PCDH9: variants seen among roughly 807,000 people sequenced by gnomAD.
PCDH9 encodes protocadherin 9, also known as protocadherin-9.
In PCDH9, 24 loss-of-function variants were observed where a neutral mutation model predicts 70.6. The observed-to-expected ratio is 0.34, with a 90% confidence interval of 0.25 to 0.48. The LOEUF (loss-of-function observed/expected upper bound fraction) is 0.48, where lower values mean the gene tolerates loss of function less well. Among genes scored for constraint, PCDH9 ranks in the 20% least tolerant of loss-of-function variants. The pLI is 0.99. For synonymous variants in PCDH9, 562 were observed against 558.5 expected (o/e 1.01, Z -0.09); for missense variants, 1,281 against 1,503.6 (o/e 0.85, Z 2.45).
intron 4 of PCDH9, among the ~76,000 whole-genome samples, chr13:66,422,306 G>T (rs1318451186): frequency 1.3e-5 from 2 of 152,090 alleles, no homozygotes; most frequent in Non-Finnish European, 2.9e-5. Context: ...GGACCAAACA[G>T]ATCTAATAGA....
At chr13:66,824,110 T>G (rs2080765888) in intron 3 of PCDH9, among the ~76,000 whole-genome samples, 1 of 151,780 alleles carries the variant, frequency 6.6e-6, no homozygotes, top group Non-Finnish European at 1.5e-5. Flanking sequence ...AAGAGCATTT[T>G]AAAAAGTTTT....
chr13:66,936,057 C>G (rs2082911293), intron 2 of PCDH9, among the ~76,000 whole-genome samples: 1 of 152,182 alleles, frequency 6.6e-6, no homozygotes, highest in Admixed American at 6.5e-5. Context: ...TGCACTCCAG[C>G]TTGGCAACAG....
intron 3 of PCDH9, among the ~76,000 whole-genome samples, chr13:66,789,022 C>A (rs2080123426): frequency 6.6e-6 from 1 of 152,140 alleles, no homozygotes; most frequent in African/African-American, 2.4e-5. Flanking sequence ...TTCTTTCTCT[C>A]CTGGCCTTCA....
chr13:66,927,781 T>C (rs1227332008), intron 2 of PCDH9, among the ~76,000 whole-genome samples: 1 of 152,060 alleles, frequency 6.6e-6, no homozygotes, highest in Non-Finnish European at 1.5e-5. Flanking sequence ...TCCAGTGACC[T>C]CATTATAGTT....
At chr13:66,963,502 A>C (rs1026171961) in intron 2 of PCDH9, among the ~76,000 whole-genome samples, 3 of 152,170 alleles carry the variant, frequency 2.0e-5, no homozygotes, top group Non-Finnish European at 4.4e-5. Flanking sequence ...AATCTAATTA[A>C]ATTTTTAAAA....
intron 4 of PCDH9, among the ~76,000 whole-genome samples, chr13:66,313,725 G>A (rs1351302849): frequency 6.6e-6 from 1 of 152,068 alleles, no homozygotes; most frequent in African/African-American, 2.4e-5. Context: ...TTTGTACCCA[G>A]GACACTAATA....
intron 3 of PCDH9, among the ~76,000 whole-genome samples, chr13:66,647,750 C>A (rs976299932): frequency 1.3e-5 from 2 of 152,058 alleles, no homozygotes; most frequent in Admixed American, 6.5e-5. Flanking sequence ...CAAGTGGGTT[C>A]TTGGGTTCTC....
intron 3 of PCDH9, among the ~76,000 whole-genome samples, chr13:66,817,419 T>C (rs955131649): frequency 3.3e-5 from 5 of 152,184 alleles, no homozygotes; most frequent in Non-Finnish European, 5.9e-5. Context: ...GTTTCTCTAA[T>C]GAACCCTTCA....
intron 2 of PCDH9, among the ~76,000 whole-genome samples, chr13:66,904,460 T>C (rs895690381): frequency 6.6e-6 from 1 of 152,046 alleles, no homozygotes; most frequent in African/African-American, 2.4e-5. Context: ...TTATTAAACA[T>C]AACTTTGTAG....
chr13:66,661,234 T>C (rs2078004392), intron 3 of PCDH9, among the ~76,000 whole-genome samples: 1 of 152,198 alleles, frequency 6.6e-6, no homozygotes. Flanking sequence ...GCATTTTCCT[T>C]TCCCTTGTTG....
chr13:66,679,552 AATT>A (rs1415351596), intron 3 of PCDH9, among the ~76,000 whole-genome samples: 2 of 151,816 alleles, frequency 1.3e-5, no homozygotes, highest in Non-Finnish European at 2.9e-5. Context: ...TTTTGCTCCA[AATT>A]ATTATTGCAT....
chr13:66,492,780 ATTTAAGC>A lies in PCDH9; in HGVS notation c.3340+138423_3340+138429del, dbSNP rs1566367877. On this transcript the variant is annotated intron_variant, in intron 4 of 4. Transcript: ENST00000377865. ...TTGAGGAGAAAAGGTTATGTTTCACATTTAAGCTTTGAATAATAAGGTCAGGATCAAA... is the reference window on the plus strand; with the variant it reads ...TTGAGGAGAAAAGGTTATGTTTCACATTTGAATAATAAGGTCAGGATCAAA... Among the ~76,000 whole-genome samples, 5 of 152,274 alleles carry A rather than the reference ATTTAAGC, an allele frequency of 3.3e-5. No individual in the cohort carries two copies. In the East Asian group the frequency reaches 9.6e-4, roughly 29 times the overall value.
chr13:67,160,141 C>A (rs1455508189), intron 2 of PCDH9, among the ~76,000 whole-genome samples: 2 of 152,200 alleles, frequency 1.3e-5, no homozygotes, highest in African/African-American at 4.8e-5. Context: ...TTCAAACTAA[C>A]AAATCATCAT....
chr13:66,850,500 A>C (rs1031982537), intron 3 of PCDH9, among the ~76,000 whole-genome samples: 3 of 148,842 alleles, frequency 2.0e-5, no homozygotes, highest in Non-Finnish European at 4.5e-5. Flanking sequence ...AACAAGAGTG[A>C]AACTCTGTCT....
intron 2 of PCDH9, chr13:67,214,430 G>C (rs1323816713): frequency 6.6e-6 from 1 of 152,148 alleles, no homozygotes; most frequent in Non-Finnish European, 1.5e-5. Context: ...CTGTGAAACA[G>C]ATTCTCTCTT....
intron 2 of PCDH9, among the ~76,000 whole-genome samples, chr13:67,145,679 CTT>C (rs1389839785): frequency 2.6e-5 from 4 of 151,866 alleles, no homozygotes; most frequent in African/African-American, 4.8e-5. Context: ...ACAGAAATCT[CTT>C]ATGGATAAAG....
chr13:66,512,060 A>G (rs1959501785), intron 4 of PCDH9, among the ~76,000 whole-genome samples: 1 of 152,144 alleles, frequency 6.6e-6, no homozygotes, highest in South Asian at 2.1e-4. Flanking sequence ...AATGAAGCTT[A>G]ACTTTTGGGA....
intron 3 of PCDH9, among the ~76,000 whole-genome samples, chr13:66,877,600 T>C (rs1055958395): frequency 2.0e-5 from 3 of 152,256 alleles, no homozygotes; most frequent in South Asian, 2.1e-4. Flanking sequence ...GATTCAGAGA[T>C]TTGTGAAAGC....
At chr13:66,573,114 G>T (rs933302130) in intron 4 of PCDH9, among the ~76,000 whole-genome samples, 1 of 151,928 alleles carries the variant, frequency 6.6e-6, no homozygotes, top group Non-Finnish European at 1.5e-5. Flanking sequence ...TCTTTTTGAT[G>T]GTAGTCATTT....
Sources: allele counts gnomAD v4.1 joint callset (sites outside exome capture counted in the v4.1 genomes callset), GRCh38; gene constraint gnomAD v4.1.1; transcripts MANE v1.5; gene names NCBI Gene and HGNC (gene_info 2026-07-23, HGNC 2026-07-21).